The following STPG2 variants were observed in gnomAD, a reference collection of about 807,000 sequenced individuals.
STPG2 encodes the protein sperm-tail PG-rich repeat-containing protein 2.
STPG2 carries 56 observed loss-of-function variants against 54.2 expected under a neutral mutation model. The ratio of observed to expected loss-of-function variants is 1.03; its 90% CI spans 0.83 to 1.29. The LOEUF is 1.29. STPG2 is among the 50% of genes most tolerant of loss of function. The pLI is 0.00. For missense variants in STPG2, 596 were observed against 544.9 expected, an observed-to-expected ratio of 1.09 and a Z score of -0.93; for synonymous variants, 200 against 181.8, an observed-to-expected ratio of 1.10 and a Z score of -0.81.
At chr4:97,753,582 G>A (rs1417415053) in intron 9 of STPG2, among the ~76,000 whole-genome samples, 1 of 152,000 alleles carries the variant, frequency 6.6e-6, no homozygotes, top group Non-Finnish European at 1.5e-5. Context: ...ATAAGCCTAG[G>A]AATGGAATTG....
downstream of STPG2, among the ~76,000 whole-genome samples, chr4:97,554,403 A>C (rs1490952453): frequency 6.6e-6 from 1 of 152,196 alleles, no homozygotes; most frequent in Non-Finnish European, 1.5e-5. Flanking sequence ...GCTGGAAAAT[A>C]GGATATCTTT....
intron 8 of STPG2, among the ~76,000 whole-genome samples, chr4:97,873,563 T>C (rs932718255): frequency 1.3e-5 from 2 of 150,856 alleles, no homozygotes; most frequent in African/African-American, 2.4e-5. Flanking sequence ...TAATATGTAA[T>C]GTTGTACAAT....
At chr4:98,033,513 C>G (rs906540296) in intron 5 of STPG2, among the ~76,000 whole-genome samples, 1 of 152,112 alleles carries the variant, frequency 6.6e-6, no homozygotes, top group African/African-American at 2.4e-5. Flanking sequence ...CAGCCAAATT[C>G]TACCAAAGGT....
chr4:97,590,589 T>A (rs1342334734), intron 10 of STPG2, among the ~76,000 whole-genome samples: 1 of 149,952 alleles, frequency 6.7e-6, no homozygotes, highest in African/African-American at 2.5e-5. Flanking sequence ...ATATGGTGAA[T>A]TAGTATCCAA....
At chr4:97,828,740 A>T (rs1287730888) in intron 9 of STPG2, among the ~76,000 whole-genome samples, 1 of 152,154 alleles carries the variant, frequency 6.6e-6, no homozygotes, top group Non-Finnish European at 1.5e-5. Context: ...AGGCTTAAGT[A>T]GGCAGTTTTA....
intron 10 of STPG2, among the ~76,000 whole-genome samples, chr4:97,602,541 A>G (rs1238859235): frequency 6.6e-6 from 1 of 151,800 alleles, no homozygotes; most frequent in East Asian, 1.9e-4. Flanking sequence ...CATTGAATAC[A>G]ATGTTTACTC....
intron 10 of STPG2, among the ~76,000 whole-genome samples, chr4:97,657,752 T>C (rs1722255481): frequency 6.6e-6 from 1 of 152,232 alleles, no homozygotes; most frequent in African/African-American, 2.4e-5. Context: ...TTTATTTTTA[T>C]GGTATTCCAT....
chr4:97,864,942 C>G (rs1421545207), intron 8 of STPG2, among the ~76,000 whole-genome samples: 1 of 152,050 alleles, frequency 6.6e-6, no homozygotes, highest in Non-Finnish European at 1.5e-5. Flanking sequence ...AAAATTCATT[C>G]AAGATGGATT....
intron 5 of STPG2, among the ~76,000 whole-genome samples, chr4:98,069,836 T>G (rs1737946735): frequency 6.6e-6 from 1 of 152,012 alleles, no homozygotes; most frequent in South Asian, 2.1e-4. Flanking sequence ...TAAAAATACC[T>G]ACCTCCACTT....
chr4:97,905,462 A>T (rs908590428), intron 8 of STPG2, among the ~76,000 whole-genome samples: 2 of 152,208 alleles, frequency 1.3e-5, no homozygotes, highest in Non-Finnish European at 2.9e-5. Flanking sequence ...GGAAGTGCCA[A>T]ACATGGAAAG....
At chr4:97,631,006 T>C (rs1341651910) in intron 10 of STPG2, among the ~76,000 whole-genome samples, 10 of 151,940 alleles carry the variant, frequency 6.6e-5, no homozygotes, top group Non-Finnish European at 1.2e-4. Flanking sequence ...TTTTGAACTA[T>C]AGTCTTAAAG....
At chr4:97,853,634 C>T (rs1729239240) in intron 8 of STPG2, among the ~76,000 whole-genome samples, 1 of 152,166 alleles carries the variant, frequency 6.6e-6, no homozygotes, top group Non-Finnish European at 1.5e-5. Context: ...TATCTAAAAA[C>T]ATCCAAAATA....
Position 97,707,870 on chromosome 4 carries a change from G to A in STPG2, c.1320+4829C>T, listed in dbSNP as rs562670269. ...GCATTAAATAAATTAACTTAGGTAT[G>A]AAGAAACACTAAGCCTAACAAAATG... On this transcript the variant is annotated intron_variant, in intron 10 of 10. Transcript: ENST00000295268. Among the ~76,000 whole-genome samples, 5 of 152,200 alleles carry A rather than the reference G, an allele frequency of 3.3e-5. No homozygotes were observed. In the East Asian group the frequency reaches 7.7e-4, roughly 23 times the overall value.
chr4:97,679,947 C>A (rs1207300926), intron 10 of STPG2, among the ~76,000 whole-genome samples: 1 of 151,410 alleles, frequency 6.6e-6, no homozygotes, highest in Non-Finnish European at 1.5e-5. Context: ...AGATATGTGG[C>A]GTTATTTCTG....
intron 10 of STPG2, among the ~76,000 whole-genome samples, chr4:97,684,301 G>A (rs1208274786): frequency 1.3e-5 from 2 of 151,814 alleles, no homozygotes; most frequent in Non-Finnish European, 2.9e-5. Context: ...TACTAAAGAA[G>A]TAGTCAGAGG....
At chr4:97,904,204 A>G (rs1007319131) in intron 8 of STPG2, among the ~76,000 whole-genome samples, 13 of 152,328 alleles carry the variant, frequency 8.5e-5, no homozygotes, top group South Asian at 2.1e-4. Flanking sequence ...GTCCCTGTCT[A>G]ACAGCTTTGA....
intron 4 of STPG2, among the ~76,000 whole-genome samples, chr4:97,512,635 TA>T (rs1431218674): frequency 1.3e-5 from 2 of 150,046 alleles, no homozygotes; most frequent in African/African-American, 2.5e-5. Flanking sequence ...AAAGCAAAAA[TA>T]AAGAAAAGAT....
chr4:98,087,409 T>A (rs1738552745), intron 5 of STPG2, among the ~76,000 whole-genome samples: 2 of 152,242 alleles, frequency 1.3e-5, no homozygotes, highest in South Asian at 4.1e-4. Flanking sequence ...ACCAAGACAG[T>A]CTCACTAGCC....
chr4:97,932,317 C>T (rs1383118684), intron 8 of STPG2, among the ~76,000 whole-genome samples: 1 of 151,916 alleles, frequency 6.6e-6, no homozygotes, highest in Non-Finnish European at 1.5e-5. Flanking sequence ...TCTAATTTTT[C>T]AAGTTGTGAA....
Sources: allele counts gnomAD v4.1 joint callset (sites outside exome capture counted in the v4.1 genomes callset), GRCh38; gene constraint gnomAD v4.1.1; transcripts MANE v1.5; gene names NCBI Gene and HGNC (gene_info 2026-07-23, HGNC 2026-07-21).